CNTNAP5: variants seen among roughly 807,000 people sequenced by gnomAD.
CNTNAP5 encodes the protein contactin associated protein family member 5.
In CNTNAP5, 72 loss-of-function variants were observed where a neutral mutation model predicts 150.2. The ratio of observed to expected loss-of-function variants is 0.48; its 90% confidence interval spans 0.40 to 0.58. CNTNAP5 has a LOEUF of 0.58. Ranked by LOEUF, CNTNAP5 falls within the 20% of genes least tolerant of loss-of-function variation. CNTNAP5 has a pLI of 0.00. For missense variants in CNTNAP5, 1,636 were observed against 1,626.2 expected, an observed-to-expected ratio of 1.01 and a Z score of -0.10; for synonymous variants, 672 against 619.8, an observed-to-expected ratio of 1.08 and a Z score of -1.25.
intron 1 of CNTNAP5, among the ~76,000 whole-genome samples, chr2:124,126,709 C>T (rs1209570967): frequency 1.3e-5 from 2 of 152,168 alleles, no homozygotes; most frequent in African/African-American, 2.4e-5. Flanking sequence ...AGCTTATCCA[C>T]CATGATCAAG....
intron 21 of CNTNAP5, among the ~76,000 whole-genome samples, chr2:124,885,736 T>A (rs970415599): frequency 6.6e-6 from 1 of 152,056 alleles, no homozygotes; most frequent in African/African-American, 2.4e-5. Flanking sequence ...ATTTTGTATC[T>A]CACTTCTTTC....
In CNTNAP5 at chr2:124,719,500, T is replaced by C. The variant is rs540658606; in HGVS notation, c.2078-27729T>C. 1.4e-4 allele frequency among the ~76,000 whole-genome samples: 21 copies of C among 152,294 alleles called. No homozygotes were observed. The East Asian group carries it at 3.5e-3, about 25-fold the overall frequency. ...GGATCGGGAAGGAAGAGATTATTCATTCTGAGATCTGGTGTATAAAAAAAG... is the reference window on the plus strand; with the variant it reads ...GGATCGGGAAGGAAGAGATTATTCACTCTGAGATCTGGTGTATAAAAAAAG... On this transcript the variant is annotated intron_variant, in intron 13 of 23. Coordinates refer to ENST00000682447, the MANE Select transcript of CNTNAP5 (RefSeq NM_001367498.1).
intron 5 of CNTNAP5, among the ~76,000 whole-genome samples, chr2:124,443,954 G>A (rs373055045): frequency 5.1e-4 from 78 of 152,000 alleles, no homozygotes; most frequent in African/African-American, 1.8e-3. Flanking sequence ...GTGAGATGCA[G>A]CTCAATTTCA....
intron 3 of CNTNAP5, among the ~76,000 whole-genome samples, chr2:124,369,917 A>G (rs954121207): frequency 1.3e-5 from 2 of 152,144 alleles, no homozygotes; most frequent in Non-Finnish European, 2.9e-5. Context: ...CTGTGTGGTC[A>G]TGGAGCAGTT....
intron 4 of CNTNAP5, among the ~76,000 whole-genome samples, chr2:124,433,292 A>C (rs2420853): frequency 0.98 from 149,341 of 152,274 alleles, 73,302 homozygotes; most frequent in East Asian, 1. Flanking sequence ...TGGACAGTTT[A>C]TTTTTAAAGT....
At chr2:124,259,356 C>A (rs1687395359) in intron 3 of CNTNAP5, among the ~76,000 whole-genome samples, 1 of 152,096 alleles carries the variant, frequency 6.6e-6, no homozygotes, top group Non-Finnish European at 1.5e-5. Context: ...GATTTATAAT[C>A]CATTGGGTAT....
At position 124,233,841 on chromosome 2, in the gene CNTNAP5, A is replaced by G. The variant is rs1284329814; in HGVS notation, c.188-8359A>G. On this transcript the variant is annotated intron_variant, in intron 2 of 23. Transcript: ENST00000682447. ...TGGTATGGTAGACACTAACCATACT[A>G]TTTTTATAGAAGTAGGGAAATCACT... 3.3e-5 allele frequency among the ~76,000 whole-genome samples: 5 copies of G among 151,520 alleles called. No individual in the cohort carries two copies. In the East Asian group the frequency reaches 7.7e-4, roughly 23 times the overall value.
chr2:124,320,990 G>A (rs1419823048), intron 3 of CNTNAP5, among the ~76,000 whole-genome samples: 1 of 152,172 alleles, frequency 6.6e-6, no homozygotes, highest in East Asian at 1.9e-4. Flanking sequence ...GGAGAATGGA[G>A]TCGCTATGTT....
At chr2:124,553,039 CT>C (rs1695664469) in intron 10 of CNTNAP5, among the ~76,000 whole-genome samples, 1 of 420 alleles carries the variant, frequency 2.4e-3, no homozygotes, top group African/African-American at 3.3e-3. Flanking sequence ...ACATTATATT[CT>C]ATTTCTGGGA....
intron 3 of CNTNAP5, among the ~76,000 whole-genome samples, chr2:124,289,225 T>A: frequency 6.6e-6 from 1 of 152,230 alleles, no homozygotes; most frequent in Non-Finnish European, 1.5e-5. Context: ...TTTCACTAAT[T>A]AGACACCTAT....
rs1204825776 is a variant in CNTNAP5, at chr2:124,683,502, G to C, written c.2077+35544G>C. 2.6e-5 allele frequency among the ~76,000 whole-genome samples: 4 copies of C among 152,110 alleles called. No homozygotes were observed. In the East Asian group the frequency reaches 7.7e-4, roughly 29 times the overall value. The stretch of plus-strand genomic sequence containing the variant: ...ACCCATCACCCAAGCAGTGTACGCT[G>C]TACCCAATGTGTAGTCTTTTGTCTC... On this transcript the variant is annotated intron_variant, in intron 13 of 23. Transcript: ENST00000682447.
intron 1 of CNTNAP5, among the ~76,000 whole-genome samples, chr2:124,052,412 C>T (rs1012667891): frequency 5.3e-5 from 8 of 152,190 alleles, no homozygotes; most frequent in African/African-American, 1.9e-4. Flanking sequence ...CAGGACACAG[C>T]ACCAGAGTTG....
intron 1 of CNTNAP5, among the ~76,000 whole-genome samples, chr2:124,219,575 A>T (rs1294716285): frequency 1.3e-5 from 2 of 152,010 alleles, no homozygotes; most frequent in East Asian, 3.9e-4. Flanking sequence ...TACCGTATTG[A>T]TGCTTAAGAC....
chr2:124,424,214 G>A (rs1427578211), intron 4 of CNTNAP5, among the ~76,000 whole-genome samples: 1 of 152,086 alleles, frequency 6.6e-6, no homozygotes, highest in Non-Finnish European at 1.5e-5. Context: ...TGCCCTCTTT[G>A]TTGCTGTTCT....
intron 19 of CNTNAP5, among the ~76,000 whole-genome samples, chr2:124,853,974 C>A (rs1677289190): frequency 6.6e-6 from 1 of 152,174 alleles, no homozygotes; most frequent in Non-Finnish European, 1.5e-5. Flanking sequence ...CCTGTTCCCA[C>A]AAAAGACATG....
chr2:124,378,754 A>C (rs1434111188), intron 3 of CNTNAP5, among the ~76,000 whole-genome samples: 3 of 152,094 alleles, frequency 2.0e-5, no homozygotes, highest in Non-Finnish European at 4.4e-5. Flanking sequence ...ATATTTATAT[A>C]TCTATTCTTG....
intron 3 of CNTNAP5, among the ~76,000 whole-genome samples, chr2:124,289,960 T>G (rs1432871786): frequency 6.6e-6 from 1 of 152,194 alleles, no homozygotes; most frequent in Non-Finnish European, 1.5e-5. Flanking sequence ...TAGTTTATAT[T>G]TATTATTCCA....
chr2:124,653,428 T>C (rs532953225), intron 13 of CNTNAP5, among the ~76,000 whole-genome samples: 5 of 151,198 alleles, frequency 3.3e-5, no homozygotes, highest in South Asian at 2.1e-4. Context: ...GTATATAGTA[T>C]GGATAAATAT....
intron 4 of CNTNAP5, among the ~76,000 whole-genome samples, chr2:124,427,617 C>T (rs916992548): frequency 9.9e-5 from 15 of 151,904 alleles, no homozygotes; most frequent in African/African-American, 2.7e-4. Context: ...CAAGGACGCC[C>T]GGCTAATTTT....
Sources: allele counts gnomAD v4.1 joint callset (sites outside exome capture counted in the v4.1 genomes callset), GRCh38; gene constraint gnomAD v4.1.1; transcripts MANE v1.5; gene names NCBI Gene and HGNC (gene_info 2026-07-23, HGNC 2026-07-21).